TOX4: variants seen among roughly 807,000 people sequenced by gnomAD.
TOX4 encodes the protein epidermal Langerhans cell protein LCP1.
TOX4 carries 12 observed loss-of-function variants against 61.0 expected under a neutral mutation model. The observed-to-expected ratio is 0.20, with a 90% CI of 0.13 to 0.32. The LOEUF (loss-of-function observed/expected upper bound fraction) is 0.32. Ranked by LOEUF, TOX4 falls within the 10% of genes least tolerant of loss-of-function variation. TOX4 has a pLI of 1.00. For synonymous variants in TOX4, 268 were observed against 274.8 expected, an observed-to-expected ratio of 0.98 and a Z score of 0.24; for missense variants, 499 against 753.3, an observed-to-expected ratio of 0.66 and a Z score of 3.95.
chr14:21,492,217 GATAA>G, intron 5 of TOX4, 75 bp from the exon 6 acceptor site: 13 of 1,315,932 alleles, frequency 9.9e-6, no homozygotes, highest in African/African-American at 1.5e-5. Context: ...GTCATTCATT[GATAA>G]ATAATACAGA....
Position 21,487,624 on chromosome 14 carries a change from C to T in TOX4, c.249C>T (p.Asp83=). 6.2e-7 allele frequency: 1 copy of T among 1,614,190 alleles called. No homozygotes were observed. The highest frequency in any genetic ancestry group is 8.5e-7 in the Non-Finnish European group (1 of 1,180,044). The change falls in exon 3 of 9, where the codon GAC becomes GAT. Residue 83 remains aspartate (D), a synonymous_variant. Coordinates refer to ENST00000448790, the MANE Select transcript of TOX4 (RefSeq NM_014828.4). ...FSAQYGVQTL[D]MPVGMTHGLM... ...CCCAGTATGGGGTCCAGACATTGGA[C>T]ATGCCTGTGGGCATGACCCATGGCT...
At chr14:21,493,916 A>T (rs1891347168) in intron 7 of TOX4, among the ~76,000 whole-genome samples, 1 of 151,658 alleles carries the variant, frequency 6.6e-6, no homozygotes, top group South Asian at 2.1e-4. Flanking sequence ...CACCCAGCTA[A>T]TTTTTTGTAT....
intron 5 of TOX4, 116 bp downstream of exon 5, chr14:21,489,519 C>A: frequency 1.2e-6 from 1 of 867,134 alleles, no homozygotes; most frequent in Non-Finnish European, 1.8e-6. Flanking sequence ...TTGTTAATGA[C>A]ACTTAAATAT....
In TOX4 at chr14:21,489,468, G is replaced by A. The variant is rs1411587472; in HGVS notation, c.810+65G>A. On this transcript the variant is annotated intron_variant, in intron 5 of 8. Transcript: ENST00000448790. ...AGTTTTTAAAGAGATAAAAATTGAGGTTTTCTTTTTTCTTACATGTCCTTA... is the reference window on the plus strand; with the variant it reads ...AGTTTTTAAAGAGATAAAAATTGAGATTTTCTTTTTTCTTACATGTCCTTA... 20 of 1,435,038 alleles carry A rather than the reference G, an allele frequency of 1.4e-5. No homozygotes were observed. The Admixed American group carries it at 4.4e-4, about 31-fold the overall frequency. The allele number at this position is 1,435,038 out of a possible 1,614,324, so 88.9% of individuals were successfully genotyped here.
At chr14:21,482,519 A>G (rs891370617) in intron 2 of TOX4, 3 of 453,728 alleles carry the variant, frequency 6.6e-6, no homozygotes, top group African/African-American at 2.0e-5. Flanking sequence ...ATATTTAAGC[A>G]TCTTTGCTTA....
intron 1 of TOX4, 78 bp from the exon 2 acceptor site, chr14:21,477,418 T>TCAGG: frequency 6.2e-7 from 1 of 1,609,900 alleles, no homozygotes; most frequent in Non-Finnish European, 8.5e-7. Context: ...TGTCAGAATG[T>TCAGG]CAGGGTCAAA....
intron 8 of TOX4, chr14:21,495,956 C>T (rs545996108): frequency 1.2e-4 from 19 of 153,120 alleles, no homozygotes; most frequent in African/African-American, 2.9e-4. Flanking sequence ...GATACTATCT[C>T]ACCATAATGC....
intron 2 of TOX4, among the ~76,000 whole-genome samples, chr14:21,486,742 G>C (rs1355153368): frequency 6.6e-6 from 1 of 152,180 alleles, no homozygotes; most frequent in African/African-American, 2.4e-5. Flanking sequence ...TGGACTCAGA[G>C]GAAGAGATTG....
intron 2 of TOX4, among the ~76,000 whole-genome samples, chr14:21,487,057 T>A (rs911960425): frequency 6.6e-6 from 1 of 152,178 alleles, no homozygotes; most frequent in Non-Finnish European, 1.5e-5. Flanking sequence ...ATGTAATAAT[T>A]GTGAAATAAC....
chr14:21,479,079 A>G (rs1015043894), intron 2 of TOX4, among the ~76,000 whole-genome samples: 10 of 150,456 alleles, frequency 6.6e-5, no homozygotes, highest in African/African-American at 2.2e-4. Flanking sequence ...CTAAAGTGCT[A>G]GGATTACAGG....
Position 21,492,916 on chromosome 14 carries a change from G to A in TOX4, c.1300G>A (p.Ala434Thr). ...LQAAAAAAAA[A>T]SMQLPPPRLQ... is the part of the protein sequence containing the mutation. Reference sequence around the variant, plus strand: ...GGCAGCAGCAGCTGCTGCTGCTGCTGCTTCTATGCAACTGCCTCCACCCCG... The same window carrying A: ...GGCAGCAGCAGCTGCTGCTGCTGCTACTTCTATGCAACTGCCTCCACCCCG... Residue 434 changes from alanine (A) to threonine (T), a missense_variant, in exon 7 of 9, where the codon GCT becomes ACT. Physicochemically the swap from Ala to Thr is moderately conservative, Grantham distance 58. Around this residue, in one of 7 missense-constraint regions of TOX4, gnomAD observed 296 missense variants for 404.7 expected, o/e 0.73. Transcript: ENST00000448790. 2 of 1,608,110 alleles carry A rather than the reference G, an allele frequency of 1.2e-6. No homozygotes were observed. The highest frequency in any genetic ancestry group is 1.1e-5 in the South Asian group (1 of 90,522).
At chr14:21,478,843 G>T (rs1406783090) in intron 2 of TOX4, among the ~76,000 whole-genome samples, 1 of 151,060 alleles carries the variant, frequency 6.6e-6, no homozygotes, top group African/African-American at 2.4e-5. Context: ...TCTCCCTGTA[G>T]CCCAGGCTGG....
intron 5 of TOX4, among the ~76,000 whole-genome samples, chr14:21,490,140 C>T (rs1891260354): frequency 6.6e-6 from 1 of 151,732 alleles, no homozygotes; most frequent in Non-Finnish European, 1.5e-5. Flanking sequence ...CACTGCACTC[C>T]AGCCTGGGTG....
Position 21,492,640 on chromosome 14 carries a change from G to C in TOX4, c.1024G>C (p.Val342Leu), listed in dbSNP as rs1308958077. The change falls in exon 7 of 9, where the codon GTT becomes CTT. Residue 342 changes from valine to leucine, a missense_variant. Val to Leu is a conservative substitution (Grantham distance 32). Around this residue, in one of 7 missense-constraint regions of TOX4, gnomAD observed 296 missense variants for 404.7 expected, o/e 0.73. Coordinates refer to ENST00000448790, the MANE Select transcript of TOX4 (RefSeq NM_014828.4). Reference sequence around the variant, plus strand: ...GCCCCCTGCCCTGTCCCCATCCATTGTTGTTAACTCCACCCTTTCATCCTA... The same window carrying C: ...GCCCCCTGCCCTGTCCCCATCCATTCTTGTTAACTCCACCCTTTCATCCTA... ...IEPPALSPSI[V>L]VNSTLSSYVA... The C allele has an allele frequency of 1.9e-6, 3 of 1,613,754 alleles. No individual in the cohort carries two copies. Among genetic ancestry groups the C allele is most frequent in the Non-Finnish European group, 2.5e-6 (3 of 1,180,008 alleles).
At chr14:21,496,299 G>A (rs113831458) in intron 8 of TOX4, 18 of 306,126 alleles carry the variant, frequency 5.9e-5, no homozygotes, top group Middle Eastern at 1.0e-3. Flanking sequence ...AGGCCAAAGC[G>A]GGCGATTCAC....
chr14:21,477,458 C>T (rs2139613450), intron 1 of TOX4, 38 bp from the exon 2 acceptor site: 3 of 1,612,562 alleles, frequency 1.9e-6, no homozygotes, highest in African/African-American at 1.3e-5. Flanking sequence ...CTCCCTGCTC[C>T]CCCTAACTTA....
intron 8 of TOX4, 185 bp from the exon 9 acceptor site, chr14:21,496,361 A>G (rs1362088584): frequency 3.9e-6 from 2 of 512,686 alleles, no homozygotes; most frequent in African/African-American, 2.0e-5. Context: ...CCCTGTCCCC[A>G]CTAAAAATAC....
At chr14:21,493,824 C>G (rs1430181624) in intron 7 of TOX4, among the ~76,000 whole-genome samples, 1 of 151,634 alleles carries the variant, frequency 6.6e-6, no homozygotes, top group Non-Finnish European at 1.5e-5. Context: ...AATCTTGGCT[C>G]ACTGCAATCT....
rs779618118 is a variant in TOX4, at chr14:21,498,372, G to C, written c.*1766G>C. The stretch of plus-strand genomic sequence containing the variant: ...CCAGTTGGTTTCCAAGGGTGATCCT[G>C]AAACAGTGTAAAAGGAGGGGCAAAC... On this transcript the variant is annotated 3_prime_UTR_variant, in exon 9 of 9. Coordinates refer to ENST00000448790, the MANE Select transcript of TOX4 (RefSeq NM_014828.4). 6.2e-7 allele frequency: 1 copy of C among 1,614,048 alleles called. No homozygotes were observed. Among genetic ancestry groups the C allele is most frequent in the Non-Finnish European group, 8.5e-7 (1 of 1,179,976 alleles).
Sources: allele counts gnomAD v4.1 joint callset (sites outside exome capture counted in the v4.1 genomes callset), GRCh38; gene constraint gnomAD v4.1.1; regional missense constraint gnomAD v4.1.1; transcripts MANE v1.5; gene names NCBI Gene and HGNC (gene_info 2026-07-23, HGNC 2026-07-21).